The following RFX7 variants were observed in gnomAD, a reference collection of about 807,000 sequenced individuals.
RFX7 encodes regulatory factor X7.
A neutral mutation model predicts 111.8 loss-of-function variants in RFX7; 26 were observed. That is an observed-to-expected ratio of 0.23 (90% confidence interval 0.17 to 0.32). The LOEUF is 0.32. Among genes scored for constraint, RFX7 ranks in the 10% least tolerant of loss-of-function variants. RFX7 has a pLI of 1.00. For synonymous variants in RFX7, 624 were observed against 624.4 expected (o/e 1.00, Z 0.01); for missense variants, 1,573 against 1,772.9 (o/e 0.89, Z 2.02).
intron 2 of RFX7, among the ~76,000 whole-genome samples, chr15:56,201,402 A>G (rs1306196293): frequency 2.0e-5 from 3 of 152,232 alleles, no homozygotes; most frequent in African/African-American, 7.2e-5. Flanking sequence ...CAGTAATAGA[A>G]CCAAAGGAAA....
intron 2 of RFX7, among the ~76,000 whole-genome samples, chr15:56,222,247 T>C (rs1317555066): frequency 2.6e-5 from 4 of 152,220 alleles, no homozygotes; most frequent in Admixed American, 1.3e-4. Flanking sequence ...TGTTTCCCTA[T>C]GTATATCACG....
intron 2 of RFX7, among the ~76,000 whole-genome samples, chr15:56,210,727 G>C (rs1346409446): frequency 6.6e-6 from 1 of 152,034 alleles, no homozygotes; most frequent in Non-Finnish European, 1.5e-5. Flanking sequence ...GAAATTTTGA[G>C]AGAAATTGTA....
At chr15:56,218,148 T>C (rs1042905986) in intron 2 of RFX7, among the ~76,000 whole-genome samples, 13 of 117,646 alleles carry the variant, frequency 1.1e-4, no homozygotes, top group Non-Finnish European at 2.0e-4. Flanking sequence ...GATTTTCTTT[T>C]TTTTTTTTTT....
chr15:56,136,091 C>T (rs1346846207), intron 5 of RFX7, among the ~76,000 whole-genome samples: 3 of 152,124 alleles, frequency 2.0e-5, no homozygotes, highest in East Asian at 1.9e-4. Context: ...ATTGACTTGG[C>T]GATGCGGGCT....
chr15:56,106,144 C>G (rs1446485946), intron 5 of RFX7, among the ~76,000 whole-genome samples: 5 of 152,270 alleles, frequency 3.3e-5, no homozygotes, highest in African/African-American at 1.2e-4. Context: ...TCACGTTCCT[C>G]AGATAAAAAG....
intron 2 of RFX7, among the ~76,000 whole-genome samples, chr15:56,184,193 A>ATTTT (rs35880948): frequency 0.059 from 4,791 of 80,628 alleles, 251 homozygotes; most frequent in Non-Finnish European, 0.085. Context: ...CTAATTTTGT[A>ATTTT]TTTTTTTTTT....
Position 56,096,077 on chromosome 15 carries a change from G to C in RFX7, c.1651C>G (p.Gln551Glu). 6.2e-7 allele frequency: 1 copy of C among 1,613,604 alleles called. No individual in the cohort carries two copies. The highest frequency in any genetic ancestry group is 8.5e-7 in the Non-Finnish European group (1 of 1,179,738). Residue 551 changes from glutamine (Q) to glutamate (E), a missense_variant, in exon 10 of 10, where the codon CAG becomes GAG. Physicochemically the swap from Gln to Glu is conservative, Grantham distance 29. This residue lies in a region of RFX7 where 625 missense variants were observed against 632.2 expected (regional missense o/e 0.99). Transcript: ENST00000559447. ...GCCTCATCAGAGTTCTCTTGGCACT[G>C]TACAGGATGCTCATCTGATGATGTT... ...PETSSDEHPV[Q>E]CQENSDEAKA...
Position 56,101,423 on chromosome 15 carries a change from T to C in RFX7, c.747A>G (p.Val249=), listed in dbSNP as rs1200452083. 6.2e-7 allele frequency: 1 copy of C among 1,612,360 alleles called. No homozygotes were observed. Among genetic ancestry groups the C allele is most frequent in the Non-Finnish European group, 8.5e-7 (1 of 1,179,272 alleles). ...ACTTGGTGCCTATATAGTGACTTTT[T>C]ACAAGGAAGCGGGCTAATTCCAAGA... ...DTVLELARFL[V]KSHYIGTKSM... The change falls in exon 8 of 10, where the codon GTA becomes GTG. Residue 249 remains valine, a synonymous_variant. Transcript: ENST00000559447.
intron 5 of RFX7, among the ~76,000 whole-genome samples, chr15:56,139,837 C>G (rs1175267632): frequency 6.6e-6 from 1 of 152,172 alleles, no homozygotes; most frequent in East Asian, 1.9e-4. Context: ...TTCTAACAGA[C>G]AGGACCCTCA....
At chr15:56,219,195 T>C (rs2043398368) in intron 2 of RFX7, among the ~76,000 whole-genome samples, 1 of 152,158 alleles carries the variant, frequency 6.6e-6, no homozygotes, top group African/African-American at 2.4e-5. Flanking sequence ...TTTAGGATTT[T>C]ATGTTTTTCT....
intron 3 of RFX7, among the ~76,000 whole-genome samples, chr15:56,163,969 G>A (rs1180744125): frequency 1.3e-5 from 2 of 152,148 alleles, no homozygotes; most frequent in East Asian, 1.9e-4. Flanking sequence ...CGCCAGGCAC[G>A]TAATGCACAT....
intron 2 of RFX7, among the ~76,000 whole-genome samples, chr15:56,192,062 T>C (rs1319173534): frequency 6.6e-6 from 1 of 152,184 alleles, no homozygotes; most frequent in Non-Finnish European, 1.5e-5. Flanking sequence ...CAGGCAATTC[T>C]TTACAAAAAT....
chr15:56,221,773 G>A (rs1314044766), intron 2 of RFX7, among the ~76,000 whole-genome samples: 1 of 152,024 alleles, frequency 6.6e-6, no homozygotes, highest in Non-Finnish European at 1.5e-5. Context: ...AATATTGTAA[G>A]TTCATCATCT....
At chr15:56,182,031 C>T (rs1308598983) in intron 2 of RFX7, among the ~76,000 whole-genome samples, 3 of 151,962 alleles carry the variant, frequency 2.0e-5, no homozygotes, top group Admixed American at 6.6e-5. Context: ...GATGATCTGT[C>T]ACTGTCTCCC....
chr15:56,172,374 C>A (rs2141112230), intron 3 of RFX7, among the ~76,000 whole-genome samples: 1 of 152,126 alleles, frequency 6.6e-6, no homozygotes, highest in South Asian at 2.1e-4. Context: ...GGAAGGATTT[C>A]TTTTTTAAAT....
chr15:56,215,516 C>T (rs1447499260), intron 2 of RFX7, among the ~76,000 whole-genome samples: 1 of 152,110 alleles, frequency 6.6e-6, no homozygotes, highest in East Asian at 1.9e-4. Flanking sequence ...TCTAATGAAC[C>T]GACTTTGCCC....
chr15:56,127,860 A>C (rs2042165377), intron 5 of RFX7, among the ~76,000 whole-genome samples: 1 of 152,078 alleles, frequency 6.6e-6, no homozygotes, highest in South Asian at 2.1e-4. Context: ...AGATTAACAA[A>C]ACTAACAAAT....
At chr15:56,222,259 A>G (rs910931732) in intron 2 of RFX7, among the ~76,000 whole-genome samples, 6 of 152,122 alleles carry the variant, frequency 3.9e-5, no homozygotes, top group Non-Finnish European at 8.8e-5. Context: ...TATATCACGT[A>G]TCTTCCCCAT....
chr15:56,210,869 T>C (rs1315070010), intron 2 of RFX7, among the ~76,000 whole-genome samples: 1 of 151,968 alleles, frequency 6.6e-6, no homozygotes, highest in Non-Finnish European at 1.5e-5. Flanking sequence ...TAACCTAAGC[T>C]TCCATCGTAG....
Sources: gnomAD v4.1 joint callset for allele counts (sites outside exome capture counted in the v4.1 genomes callset) on GRCh38, gnomAD v4.1.1 for gene constraint, gnomAD v4.1.1 regional missense constraint, MANE v1.5 for transcripts, NCBI Gene and HGNC (gene_info 2026-07-23, HGNC 2026-07-21) for gene names.